The following KCNJ16 variants were observed in gnomAD, a reference collection of about 807,000 sequenced individuals.
KCNJ16 encodes inward rectifier potassium channel 16.
Under a neutral mutation model 18.5 loss-of-function variants are expected in KCNJ16, and 15 were observed. The ratio of observed to expected loss-of-function variants is 0.81; its 90% confidence interval spans 0.54 to 1.25. The LOEUF is 1.25. KCNJ16 is among the 50% of genes most tolerant of loss of function. The pLI, the probability that KCNJ16 is intolerant of heterozygous loss-of-function variation, is 0.00. For missense variants in KCNJ16, 523 were observed against 525.7 expected, an observed-to-expected ratio of 0.99 and a Z score of 0.05; for synonymous variants, 174 against 186.5, an observed-to-expected ratio of 0.93 and a Z score of 0.55.
In KCNJ16 at chr17:70,109,312, T is replaced by C. The variant is rs141853856; in HGVS notation, c.-191+8546T>C. 6.6e-3 allele frequency among the ~76,000 whole-genome samples: 1,002 copies of C among 152,258 alleles called. 8 individuals carry two copies. The highest frequency in any genetic ancestry group is 0.019 in the African/African-American group (810 of 41,552). On this transcript the variant is annotated intron_variant, in intron 2 of 3. Coordinates refer to ENST00000392671, the MANE Select transcript of KCNJ16 (RefSeq NM_170741.4). The stretch of plus-strand genomic sequence containing the variant: ...ATTGATCCCTTGTTCTCAGGGTAAC[T>C]GGGAGAATTAAACATATTTCATGGG...
chr17:70,126,267 G>C (rs2073852464), intron 2 of KCNJ16, among the ~76,000 whole-genome samples: 1 of 152,120 alleles, frequency 6.6e-6, no homozygotes, highest in Non-Finnish European at 1.5e-5. Context: ...TAGGTCGTAG[G>C]TCTGTTCAGT....
chr17:70,099,482 T>C (rs724825), intron 1 of KCNJ16, among the ~76,000 whole-genome samples: 1 of 151,596 alleles, frequency 6.6e-6, no homozygotes, highest in Non-Finnish European at 1.5e-5. Context: ...GGGTAAGGTC[T>C]AGTCATCATA....
intron 1 of KCNJ16, among the ~76,000 whole-genome samples, chr17:70,085,887 A>C (rs947560246): frequency 2.6e-5 from 4 of 152,202 alleles, no homozygotes; most frequent in African/African-American, 9.6e-5. Context: ...AAAATCAATA[A>C]AGATTTTACT....
At chr17:70,110,952 C>A (rs1166058526) in intron 2 of KCNJ16, among the ~76,000 whole-genome samples, 5 of 152,066 alleles carry the variant, frequency 3.3e-5, no homozygotes, top group African/African-American at 1.2e-4. Flanking sequence ...CTTGTGTCCC[C>A]CAGTGTGTAT....
chr17:70,116,089 A>G (rs957699854), intron 2 of KCNJ16, among the ~76,000 whole-genome samples: 2 of 152,202 alleles, frequency 1.3e-5, no homozygotes, highest in African/African-American at 4.8e-5. Flanking sequence ...AAGTATGTGA[A>G]TAGAAGAAAA....
intron 2 of KCNJ16, among the ~76,000 whole-genome samples, chr17:70,127,702 C>T (rs573640819): frequency 6.6e-6 from 1 of 152,244 alleles, no homozygotes; most frequent in East Asian, 1.9e-4. Flanking sequence ...CAGAATTAGG[C>T]CATCTCTTCT....
At chr17:70,088,458 T>G (rs1339302250) in intron 1 of KCNJ16, among the ~76,000 whole-genome samples, 1 of 152,192 alleles carries the variant, frequency 6.6e-6, no homozygotes, top group Admixed American at 6.5e-5. Context: ...TAACAGGCCA[T>G]GGACTGGTCC....
intron 3 of KCNJ16, chr17:70,131,530 T>C (rs1022747554): frequency 2.7e-5 from 26 of 954,186 alleles, no homozygotes; most frequent in African/African-American, 1.1e-4. Context: ...CATTATGATA[T>C]GAAAGTAGAA....
At chr17:70,079,434 G>A (rs1318949216) in intron 1 of KCNJ16, among the ~76,000 whole-genome samples, 1 of 152,116 alleles carries the variant, frequency 6.6e-6, no homozygotes, top group Non-Finnish European at 1.5e-5. Flanking sequence ...CCAGACAGGT[G>A]TTTGATCAAA....
rs2144322514 is a variant in KCNJ16, at chr17:70,133,837, A to G, written c.*493A>G. The G allele has an allele frequency of 5.9e-6, 1 of 169,104 alleles. No homozygotes were observed. The highest frequency in any genetic ancestry group is 6.4e-5 in the Admixed American group (1 of 15,654). 10.5% of individuals were successfully genotyped at this position (169,104 alleles called of 1,614,324 possible). On this transcript the variant is annotated 3_prime_UTR_variant, in exon 4 of 4. Coordinates refer to ENST00000392671, the MANE Select transcript of KCNJ16 (RefSeq NM_170741.4). ...TAACGTTGAGAAATGTAACTGTGAA[A>G]TCAGCTCACCAGTTCAAGTCACTAG...
At chr17:70,125,603 C>A (rs942329154) in intron 2 of KCNJ16, among the ~76,000 whole-genome samples, 2 of 152,064 alleles carry the variant, frequency 1.3e-5, no homozygotes, top group African/African-American at 4.8e-5. Flanking sequence ...CGGGGCCAGT[C>A]CACAGAGTAA....
Position 70,133,165 on chromosome 17 carries a change from C to A in KCNJ16, c.1078C>A (p.Arg360=). ...QLHIEKAPPV[R]ESCTSDTKAR... ...CCACATAGAAAAAGCACCACCAGTT[C>A]GAGAATCCTGCACGTCGGACACCAA... The change falls in exon 4 of 4, where the codon CGA becomes AGA. Residue 360 remains arginine, a synonymous_variant. Transcript: ENST00000392671. 2 of 1,614,154 alleles carry A rather than the reference C, an allele frequency of 1.2e-6. No individual in the cohort carries two copies. The highest frequency in any genetic ancestry group is 8.5e-7 in the Non-Finnish European group (1 of 1,180,032).
chr17:70,097,266 C>T (rs990473743), intron 1 of KCNJ16, among the ~76,000 whole-genome samples: 2 of 152,128 alleles, frequency 1.3e-5, no homozygotes, highest in African/African-American at 4.8e-5. Context: ...CCACTCTTGT[C>T]AGGATTTGTC....
chr17:70,078,757 C>T (rs1232630822), intron 1 of KCNJ16, among the ~76,000 whole-genome samples: 1 of 152,120 alleles, frequency 6.6e-6, no homozygotes, highest in Non-Finnish European at 1.5e-5. Context: ...TAATTAAGAG[C>T]CATGCAATGG....
intron 1 of KCNJ16, among the ~76,000 whole-genome samples, chr17:70,084,746 G>T (rs961636499): frequency 6.6e-6 from 1 of 151,982 alleles, no homozygotes; most frequent in African/African-American, 2.4e-5. Flanking sequence ...TGTTTGCCCC[G>T]CTTTCATATA....
intron 1 of KCNJ16, among the ~76,000 whole-genome samples, chr17:70,092,268 A>G (rs2072122485): frequency 6.6e-6 from 1 of 152,166 alleles, no homozygotes; most frequent in Non-Finnish European, 1.5e-5. Context: ...CCTTCCTCCA[A>G]GAAAATATGG....
chr17:70,107,889 G>C (rs2073006253), intron 2 of KCNJ16, among the ~76,000 whole-genome samples: 1 of 151,982 alleles, frequency 6.6e-6, no homozygotes, highest in Non-Finnish European at 1.5e-5. Context: ...GAGTTTTCTA[G>C]TTCAACCACC....
At chr17:70,126,400 G>A (rs1017685023) in intron 2 of KCNJ16, among the ~76,000 whole-genome samples, 5 of 152,300 alleles carry the variant, frequency 3.3e-5, no homozygotes, top group Non-Finnish European at 7.4e-5. Context: ...CCAAGATGGA[G>A]TCCCCCTGGT....
At chr17:70,083,648 T>A (rs2071657768) in intron 1 of KCNJ16, among the ~76,000 whole-genome samples, 1 of 152,172 alleles carries the variant, frequency 6.6e-6, no homozygotes, top group African/African-American at 2.4e-5. Flanking sequence ...TTTGCGTATA[T>A]ACACTCTATG....
Sources: allele counts gnomAD v4.1 joint callset (sites outside exome capture counted in the v4.1 genomes callset), GRCh38; gene constraint gnomAD v4.1.1; transcripts MANE v1.5; gene names NCBI Gene and HGNC (gene_info 2026-07-23, HGNC 2026-07-21).